The following MCF2L2 variants were observed in gnomAD, a reference collection of about 807,000 sequenced individuals.
The protein encoded by MCF2L2 is probable guanine nucleotide exchange factor MCF2L2.
A neutral mutation model predicts 150.2 loss-of-function variants in MCF2L2; 102 were observed. The ratio of observed to expected loss-of-function variants is 0.68; its 90% CI spans 0.58 to 0.80. MCF2L2 has a LOEUF of 0.80. Among genes scored for constraint, MCF2L2 ranks in the 30% least tolerant of loss-of-function variants. MCF2L2 has a pLI of 0.00. For synonymous variants in MCF2L2, 465 were observed against 491.3 expected (o/e 0.95, Z 0.71); for missense variants, 1,256 against 1,372.8 (o/e 0.91, Z 1.34).
intron 5 of MCF2L2, among the ~76,000 whole-genome samples, chr3:183,333,798 C>T (rs1052832463): frequency 2.6e-5 from 4 of 151,890 alleles, no homozygotes; most frequent in Non-Finnish European, 5.9e-5. Flanking sequence ...AACAAAGATA[C>T]CAAGTAGTAA....
chr3:183,279,550 G>A (rs1727357855), intron 14 of MCF2L2, among the ~76,000 whole-genome samples: 1 of 152,160 alleles, frequency 6.6e-6, no homozygotes, highest in Non-Finnish European at 1.5e-5. Flanking sequence ...ATTGCCCCTA[G>A]GGTATACCTA....
intron 15 of MCF2L2, among the ~76,000 whole-genome samples, chr3:183,255,956 G>A (rs1725009927): frequency 6.6e-6 from 1 of 152,094 alleles, no homozygotes; most frequent in African/African-American, 2.4e-5. Flanking sequence ...CATTGTAAAG[G>A]GTCCAGTTCT....
intron 18 of MCF2L2, chr3:183,225,319 G>T (rs1228861014): frequency 6.6e-6 from 1 of 152,206 alleles, no homozygotes; most frequent in Non-Finnish European, 1.5e-5. Flanking sequence ...GATGGCCCTT[G>T]AAAAATGTTC....
chr3:183,220,322 G>A (rs6800429), intron 20 of MCF2L2, among the ~76,000 whole-genome samples: 80,526 of 151,626 alleles, frequency 0.53, 22,145 homozygotes, highest in East Asian at 0.7. Context: ...CTTTGATTGT[G>A]GTAGAGTGTT....
At chr3:183,332,267 G>A (rs1730304069) in intron 5 of MCF2L2, among the ~76,000 whole-genome samples, 1 of 152,174 alleles carries the variant, frequency 6.6e-6, no homozygotes, top group African/African-American at 2.4e-5. Flanking sequence ...TGTGCGTCAG[G>A]TGAAATGGTT....
intron 14 of MCF2L2, among the ~76,000 whole-genome samples, chr3:183,282,322 G>C (rs1215647493): frequency 6.6e-6 from 1 of 151,950 alleles, no homozygotes; most frequent in African/African-American, 2.4e-5. Flanking sequence ...GGGACTACAG[G>C]CACCCGCCAC....
chr3:183,212,948 T>TGGGGGGGGGGGGG (rs1553882766), intron 22 of MCF2L2, among the ~76,000 whole-genome samples: 1 of 1,904 alleles, frequency 5.3e-4, no homozygotes, highest in Non-Finnish European at 1.4e-3. Flanking sequence ...ATAGGTATTG[T>TGGGGGGGGGGGGG]GGGGGGGTGG....
At chr3:183,215,869 A>G (rs1325976850) in intron 22 of MCF2L2, 100 bp downstream of exon 22, 2 of 1,412,870 alleles carry the variant, frequency 1.4e-6, no homozygotes, top group Non-Finnish European at 1.9e-6. Context: ...CAATTCCTTT[A>G]CCATAGACGA....
intron 1 of MCF2L2, among the ~76,000 whole-genome samples, chr3:183,397,324 AT>A: frequency 6.6e-6 from 1 of 152,332 alleles, no homozygotes; most frequent in Admixed American, 6.5e-5. Flanking sequence ...AGGATAGTGC[AT>A]TCTTGCCGCA....
At chr3:183,346,934 C>T (rs1730922685) in intron 3 of MCF2L2, among the ~76,000 whole-genome samples, 1 of 152,134 alleles carries the variant, frequency 6.6e-6, no homozygotes, top group Non-Finnish European at 1.5e-5. Flanking sequence ...AAAAACATTC[C>T]ATGCTCATGG....
At chr3:183,263,854 G>C (rs575553313) in intron 15 of MCF2L2, among the ~76,000 whole-genome samples, 2 of 152,162 alleles carry the variant, frequency 1.3e-5, no homozygotes, top group East Asian at 3.9e-4. Context: ...CGCCATCCCA[G>C]GTCATTCATC....
At chr3:183,251,877 T>C (rs549078414) in intron 15 of MCF2L2, among the ~76,000 whole-genome samples, 7 of 151,652 alleles carry the variant, frequency 4.6e-5, no homozygotes, top group African/African-American at 1.7e-4. Flanking sequence ...TCTGGACTAC[T>C]TGACCTTGCC....
At chr3:183,398,030 T>C (rs1002561745) in intron 1 of MCF2L2, among the ~76,000 whole-genome samples, 1 of 152,188 alleles carries the variant, frequency 6.6e-6, no homozygotes, top group African/African-American at 2.4e-5. Context: ...TTTATGTTTA[T>C]ATGTATATAT....
At chr3:183,359,731 A>C (rs1481538273) in intron 3 of MCF2L2, among the ~76,000 whole-genome samples, 1 of 152,194 alleles carries the variant, frequency 6.6e-6, no homozygotes, top group Non-Finnish European at 1.5e-5. Context: ...AACAGAGTTT[A>C]GCATGAAGGG....
chr3:183,210,332 T>C (rs1262589472), intron 22 of MCF2L2, among the ~76,000 whole-genome samples: 5 of 152,166 alleles, frequency 3.3e-5, no homozygotes, highest in Admixed American at 1.3e-4. Context: ...AAAATGCATA[T>C]AATAAAGCCA....
chr3:183,203,499 T>G (rs1722368941), intron 25 of MCF2L2, among the ~76,000 whole-genome samples: 2 of 152,080 alleles, frequency 1.3e-5, no homozygotes, highest in African/African-American at 4.8e-5. Context: ...AAGAAAGAAT[T>G]AGAGAACTCA....
chr3:183,424,567 C>T (rs888762502), intron 1 of MCF2L2, among the ~76,000 whole-genome samples: 3 of 152,114 alleles, frequency 2.0e-5, no homozygotes, highest in African/African-American at 7.2e-5. Context: ...TAAGACTCTT[C>T]GTAAGTAATG....
At chr3:183,191,323 C>T (rs1050392042) in intron 27 of MCF2L2, among the ~76,000 whole-genome samples, 2 of 152,106 alleles carry the variant, frequency 1.3e-5, no homozygotes, top group African/African-American at 4.8e-5. Context: ...AATGGATGAA[C>T]GTATACACTG....
At chr3:183,386,580 G>C (rs1713844787) in intron 2 of MCF2L2, among the ~76,000 whole-genome samples, 1 of 152,246 alleles carries the variant, frequency 6.6e-6, no homozygotes, top group African/African-American at 2.4e-5. Context: ...CCGGTTGACA[G>C]GGTCTCTGGC....
Sources: allele counts gnomAD v4.1 joint callset (sites outside exome capture counted in the v4.1 genomes callset), GRCh38; gene constraint gnomAD v4.1.1; transcripts MANE v1.5; gene names NCBI Gene and HGNC (gene_info 2026-07-23, HGNC 2026-07-21).